PKHD1: variants seen among roughly 807,000 people sequenced by gnomAD.
PKHD1 encodes PKHD1 ciliary IPT domain containing fibrocystin/polyductin.
PKHD1 carries 291 observed loss-of-function variants against 412.0 expected under a neutral mutation model. The ratio of observed to expected loss-of-function variants is 0.71; its 90% CI spans 0.64 to 0.78. PKHD1 has a LOEUF of 0.78. Ranked by LOEUF, PKHD1 falls within the 30% of genes least tolerant of loss-of-function variation. The pLI, the probability that PKHD1 is intolerant of heterozygous loss-of-function variation, is 0.00. For synonymous variants in PKHD1, 1,777 were observed against 1,821.5 expected, an observed-to-expected ratio of 0.98 and a Z score of 0.62; for missense variants, 4,825 against 4,950.7, an observed-to-expected ratio of 0.97 and a Z score of 0.76.
At chr6:51,798,403 G>T (rs1794921990) in intron 52 of PKHD1, among the ~76,000 whole-genome samples, 1 of 151,966 alleles carries the variant, frequency 6.6e-6, no homozygotes, top group African/African-American at 2.4e-5. Context: ...GAAAGAAAAA[G>T]AAATTATGTG....
chr6:51,923,401 G>A (rs1250821212), intron 37 of PKHD1, among the ~76,000 whole-genome samples: 1 of 152,072 alleles, frequency 6.6e-6, no homozygotes, highest in Non-Finnish European at 1.5e-5. Flanking sequence ...CTACACAAAT[G>A]GGTGTGGCTG....
At position 51,747,993 on chromosome 6, in the gene PKHD1, G is replaced by A. The variant is rs1263208576; in HGVS notation, c.9623C>T (p.Thr3208Ile). The change falls in exon 58 of 67, where the codon ACC becomes ATC. Residue 3208 changes from threonine to isoleucine, a missense_variant. Transcript: ENST00000371117. ...IVLRNSVIVATSSSFDCIQDK... is the reference protein window; with the variant it reads ...IVLRNSVIVAISSSFDCIQDK... ...CTGAATGCAGTCAAAAGAAGAGCTG[G>A]TGGCCACAATGACTGAATTCCTAAG... 1 of 1,613,958 alleles carries A rather than the reference G, an allele frequency of 6.2e-7. No homozygotes were observed. The highest frequency in any genetic ancestry group is 8.5e-7 in the Non-Finnish European group (1 of 1,179,986).
At chr6:52,031,915 T>G (rs1377965924) in intron 29 of PKHD1, among the ~76,000 whole-genome samples, 1 of 152,216 alleles carries the variant, frequency 6.6e-6, no homozygotes, top group Non-Finnish European at 1.5e-5. Flanking sequence ...GTCAAGCTAA[T>G]CCTAGATGCT....
rs1288856902 is a variant in PKHD1 at position 51,618,082 on chromosome 6, G to A, written c.*999C>T. On this transcript the variant is annotated 3_prime_UTR_variant, in exon 67 of 67. Transcript: ENST00000371117. Reference sequence around the variant, plus strand: ...ACAAATGTGTGAATTTGGTGAAATTGCCTTTAACAACCTTACCAAATGTAT... The same window carrying A: ...ACAAATGTGTGAATTTGGTGAAATTACCTTTAACAACCTTACCAAATGTAT... 1 of 152,172 alleles carries A rather than the reference G, an allele frequency of 6.6e-6. No homozygotes were observed. The highest frequency in any genetic ancestry group is 2.1e-4 in the South Asian group (1 of 4,828). 9.4% of individuals were successfully genotyped at this position (152,172 alleles called of 1,614,324 possible).
chr6:52,014,571 T>A (rs898917513), intron 34 of PKHD1, among the ~76,000 whole-genome samples: 11 of 149,568 alleles, frequency 7.4e-5, no homozygotes, highest in African/African-American at 2.7e-4. Context: ...AACAGATGGA[T>A]CATGGATGGA....
chr6:51,647,952 G>T, intron 63 of PKHD1, 79 bp downstream of exon 63: 3 of 874,150 alleles, frequency 3.4e-6, no homozygotes, highest in Non-Finnish European at 5.9e-6. Flanking sequence ...ATTTTGCTAT[G>T]AATTCCTAAT....
At position 51,618,608 on chromosome 6, in the gene PKHD1, T is replaced by C. The variant is rs1462671392; in HGVS notation, c.*473A>G. 4.3e-6 allele frequency: 1 copy of C among 233,718 alleles called. No homozygotes were observed. The highest frequency in any genetic ancestry group is 8.5e-6 in the Non-Finnish European group (1 of 118,140). 14.5% of individuals were successfully genotyped at this position (233,718 alleles called of 1,614,324 possible). ...CAGATCAGGGAGCAGGGTGTTGAAC[T>C]GTCCCTTCAAATGCTACTACAGGAT... On this transcript the variant is annotated 3_prime_UTR_variant, in exon 67 of 67. Transcript: ENST00000371117.
At chr6:51,913,290 C>T (rs1392608196) in intron 37 of PKHD1, among the ~76,000 whole-genome samples, 1 of 152,076 alleles carries the variant, frequency 6.6e-6, no homozygotes, top group Non-Finnish European at 1.5e-5. Flanking sequence ...ACTCTAAAAA[C>T]TAGACCTATC....
In PKHD1 at chr6:51,744,377, T is replaced by C; in HGVS notation, c.10156+8A>G. 1 of 1,613,110 alleles carries C rather than the reference T, an allele frequency of 6.2e-7. No homozygotes were observed. Among genetic ancestry groups the C allele is most frequent in the East Asian group, 2.2e-5 (1 of 44,868 alleles). On this transcript the variant is annotated splice_region_variant and intron_variant, in intron 60 of 66. Transcript: ENST00000371117. ...CTACCACAGGCATTGCATTCAGATATAGCTTACCTGCGTTGAAGAAGGATG... is the reference window on the plus strand; with the variant it reads ...CTACCACAGGCATTGCATTCAGATACAGCTTACCTGCGTTGAAGAAGGATG...
chr6:51,934,594 A>G (rs1464817943), intron 36 of PKHD1, among the ~76,000 whole-genome samples: 1 of 152,166 alleles, frequency 6.6e-6, no homozygotes, highest in Non-Finnish European at 1.5e-5. Flanking sequence ...CAATTTAGGA[A>G]TGGTTAAATA....
At chr6:51,786,023 A>T (rs143362171) in intron 53 of PKHD1, among the ~76,000 whole-genome samples, 1 of 152,322 alleles carries the variant, frequency 6.6e-6, no homozygotes, top group East Asian at 1.9e-4. Flanking sequence ...GCATTTTAAT[A>T]AACATTAACT....
In PKHD1 at chr6:51,659,234, T is replaced by C. The variant is rs767038250; in HGVS notation, c.10892A>G (p.Tyr3631Cys). Residue 3631 changes from tyrosine (Y) to cysteine (C), a missense_variant, in exon 61 of 67, where the codon TAT becomes TGT. Physicochemically the swap from Tyr to Cys is radical, Grantham distance 194. Coordinates refer to ENST00000371117, the MANE Select transcript of PKHD1 (RefSeq NM_138694.4). ...NCPTVTCTSH[Y>C]RRVGQRRPLM... ...AGGCCTACGTTGACCAACTCTTCTA[T>C]AATGACTAGTGCAAGTCACAGTAGG... 6.2e-6 allele frequency: 10 copies of C among 1,613,892 alleles called. No individual in the cohort carries two copies. The highest frequency in any genetic ancestry group is 3.3e-5 in the South Asian group (3 of 91,088).
intron 34 of PKHD1, among the ~76,000 whole-genome samples, chr6:52,014,486 A>G (rs1376549563): frequency 1.3e-5 from 2 of 152,248 alleles, no homozygotes; most frequent in Non-Finnish European, 2.9e-5. Flanking sequence ...TCAATACTGG[A>G]TAGATGGATG....
At position 51,838,063 on chromosome 6, in the gene PKHD1, A is replaced by C. The variant is rs186083797; in HGVS notation, c.8108-1594T>G. Among the ~76,000 whole-genome samples the C allele has an allele frequency of 3.3e-5, 5 of 152,284 alleles. No individual in the cohort carries two copies. In the East Asian group the frequency reaches 9.6e-4, roughly 29 times the overall value. On this transcript the variant is annotated intron_variant, in intron 50 of 66. Coordinates refer to ENST00000371117, the MANE Select transcript of PKHD1 (RefSeq NM_138694.4). ...GTCAAGGTGTCATTTCCTTTTTTTA[A>C]AATAAGGTCTAACTCATCCACTTCT...
At chr6:51,935,739 T>TGCTACAAACATA (rs1276863242) in intron 36 of PKHD1, among the ~76,000 whole-genome samples, 1 of 152,228 alleles carries the variant, frequency 6.6e-6, no homozygotes, top group Non-Finnish European at 1.5e-5. Flanking sequence ...GGCCTGCCTG[T>TGCTACAAACATA]TAGTTCTCAA....
intron 60 of PKHD1, among the ~76,000 whole-genome samples, chr6:51,713,767 G>C (rs964792366): frequency 6.6e-6 from 1 of 152,108 alleles, no homozygotes; most frequent in African/African-American, 2.4e-5. Context: ...CCCTGCACTT[G>C]AGGTCACCTC....
At chr6:51,781,694 A>G (rs1206684525) in intron 53 of PKHD1, among the ~76,000 whole-genome samples, 2 of 152,080 alleles carry the variant, frequency 1.3e-5, no homozygotes, top group Non-Finnish European at 2.9e-5. Flanking sequence ...GTTGGCTCTT[A>G]GCAATATTAA....
rs760665951 is a variant in PKHD1, at chr6:52,025,447, C to T, written c.4363G>A (p.Ala1455Thr). ...VSLEGDPLPG[A>T]SFSLNVTVLV... ...ACTGTGACGTTCAGGGAGAAGGAAG[C>T]TCCAGGCAAGGGGTCACCCTCCAGG... The change falls in exon 32 of 67, where the codon GCT becomes ACT. Residue 1455 changes from alanine to threonine, a missense_variant. Physicochemically the swap from Ala to Thr is moderately conservative, Grantham distance 58. Coordinates refer to ENST00000371117, the MANE Select transcript of PKHD1 (RefSeq NM_138694.4). 60 of 1,606,634 alleles carry T rather than the reference C, an allele frequency of 3.7e-5. No individual in the cohort carries two copies. Among genetic ancestry groups the T allele is most frequent in the Non-Finnish European group, 4.5e-5 (53 of 1,175,640 alleles).
Position 52,058,548 on chromosome 6 carries a change from C to T in PKHD1, c.1287G>A (p.Glu429=). Residue 429 remains glutamate, a synonymous_variant, in exon 16 of 67, where the codon GAG becomes GAA. Transcript: ENST00000371117. ...GCCAGGTCCCTTCATCCCTATTCTG[C>T]TCCCAGGAGTCAAACCAGTCAGCAG... ...VGTADWFDSW[E]QNRDEGTWQQ... is the part of the protein sequence containing the mutation. The T allele has an allele frequency of 6.2e-7, 1 of 1,614,196 alleles. No homozygotes were observed. Among genetic ancestry groups the T allele is most frequent in the Non-Finnish European group, 8.5e-7 (1 of 1,180,026 alleles).
Sources: allele counts gnomAD v4.1 joint callset (sites outside exome capture counted in the v4.1 genomes callset), GRCh38; gene constraint gnomAD v4.1.1; transcripts MANE v1.5; gene names NCBI Gene and HGNC (gene_info 2026-07-23, HGNC 2026-07-21).